Variants in MGAT4C observed in about 807,000 individuals in gnomAD.
MGAT4C encodes MGAT4 family member C.
MGAT4C carries 19 observed loss-of-function variants against 40.1 expected under a neutral mutation model. That is an observed-to-expected ratio of 0.47 (90% CI 0.33 to 0.70). MGAT4C has a LOEUF of 0.70. MGAT4C is among the 30% of genes least tolerant of loss of function. The pLI, the probability that MGAT4C is intolerant of heterozygous loss-of-function variation, is 0.02. For missense variants in MGAT4C, 491 were observed against 563.2 expected (o/e 0.87, Z 1.30); for synonymous variants, 181 against 187.1 (o/e 0.97, Z 0.27).
chr12:86,503,776 A>ATATATAT (rs368549139), intron 2 of MGAT4C, among the ~76,000 whole-genome samples: 2 of 20,622 alleles, frequency 9.7e-5, no homozygotes, highest in African/African-American at 1.6e-4. Context: ...ATATATATAT[A>ATATATAT]GAGTTCTGCT....
chr12:86,147,517 AG>A (rs1251730726), intron 1 of MGAT4C, among the ~76,000 whole-genome samples: 1 of 152,222 alleles, frequency 6.6e-6, no homozygotes, highest in Non-Finnish European at 1.5e-5. Flanking sequence ...CTGGGATTAC[AG>A]GCGTGAGCCA....
chr12:86,366,209 A>C (rs1955592283), intron 3 of MGAT4C, among the ~76,000 whole-genome samples: 1 of 152,182 alleles, frequency 6.6e-6, no homozygotes, highest in South Asian at 2.1e-4. Flanking sequence ...TTACTGGTGT[A>C]TAGAAATGTT....
chr12:86,580,617 C>T (rs1023174302), intron 2 of MGAT4C, among the ~76,000 whole-genome samples: 1 of 151,456 alleles, frequency 6.6e-6, no homozygotes, highest in African/African-American at 2.4e-5. Context: ...TTCATCCTTG[C>T]TCACTTATTT....
intron 4 of MGAT4C, among the ~76,000 whole-genome samples, chr12:86,313,395 A>T (rs192717351): frequency 3.0e-4 from 46 of 152,336 alleles, no homozygotes; most frequent in African/African-American, 1.1e-3. Flanking sequence ...CCTCTTTTCA[A>T]AATCATGAAA....
At position 86,771,724 on chromosome 12, in the gene MGAT4C, ATG is replaced by A. The variant is rs1319231417; in HGVS notation, c.-261-44485_-261-44484del. On this transcript the variant is annotated intron_variant, in intron 1 of 7. Coordinates refer to the MGAT4C transcript ENST00000548651. ...TGTGTGTGTGTGTGTGTGTGTGTGT[ATG>A]TGTGTGTGTATGAATATTGGTAGAA... Among the ~76,000 whole-genome samples, 10 of 103,792 alleles carry A rather than the reference ATG, an allele frequency of 9.6e-5. No homozygotes were observed. In the South Asian group the frequency reaches 2.2e-3, roughly 23 times the overall value. 68.1% of individuals were successfully genotyped at this position (103,792 alleles called of 152,430 possible). A position where few individuals can be genotyped will look rare whatever the true frequency, so the allele number is the denominator to read the frequency against.
chr12:86,513,516 T>G (rs1461777089), intron 2 of MGAT4C, among the ~76,000 whole-genome samples: 2 of 152,124 alleles, frequency 1.3e-5, no homozygotes, highest in Non-Finnish European at 2.9e-5. Flanking sequence ...AGTCCAAACA[T>G]AAAGCCATAC....
intron 2 of MGAT4C, among the ~76,000 whole-genome samples, chr12:85,994,539 G>C (rs1218295704): frequency 1.3e-5 from 2 of 151,768 alleles, no homozygotes; most frequent in East Asian, 3.9e-4. Context: ...AGCTAATAAA[G>C]CCATTCACAC....
chr12:86,704,370 G>A (rs1036977459), intron 2 of MGAT4C, among the ~76,000 whole-genome samples: 1 of 151,672 alleles, frequency 6.6e-6, no homozygotes, highest in African/African-American at 2.4e-5. Flanking sequence ...ATACAAAATG[G>A]GATGAGTAAA....
intron 4 of MGAT4C, among the ~76,000 whole-genome samples, chr12:85,982,114 T>C (rs1884662199): frequency 6.6e-6 from 1 of 152,220 alleles, no homozygotes; most frequent in Non-Finnish European, 1.5e-5. Context: ...ATTTTTGTGG[T>C]CTTCACATAA....
chr12:86,711,210 A>C (rs899551256), intron 2 of MGAT4C, among the ~76,000 whole-genome samples: 7 of 152,142 alleles, frequency 4.6e-5, no homozygotes, highest in Non-Finnish European at 8.8e-5. Flanking sequence ...GTTATAAAAT[A>C]ATACTAATAA....
chr12:86,176,058 A>C (rs1887393694), intron 1 of MGAT4C, among the ~76,000 whole-genome samples: 1 of 152,172 alleles, frequency 6.6e-6, no homozygotes, highest in Non-Finnish European at 1.5e-5. Context: ...GGCAAGGTGC[A>C]ATTCTAGCAA....
At chr12:86,380,393 C>T (rs1030543287) in intron 3 of MGAT4C, among the ~76,000 whole-genome samples, 2 of 152,140 alleles carry the variant, frequency 1.3e-5, no homozygotes, top group East Asian at 1.9e-4. Flanking sequence ...TTTGCCACTT[C>T]GTGGTGTTAA....
intron 2 of MGAT4C, chr12:86,013,785 T>G: frequency 1.1e-6 from 1 of 948,800 alleles, no homozygotes; most frequent in Non-Finnish European, 1.3e-6. Flanking sequence ...AAAAAGACTT[T>G]CTTAGTAAAC....
intron 1 of MGAT4C, among the ~76,000 whole-genome samples, chr12:86,234,607 C>T (rs1951454399): frequency 6.6e-6 from 1 of 152,114 alleles, no homozygotes; most frequent in Non-Finnish European, 1.5e-5. Flanking sequence ...AGTCAGAAAT[C>T]TTGACAACTC....
intron 2 of MGAT4C, among the ~76,000 whole-genome samples, chr12:86,008,770 G>A (rs1452239864): frequency 1.3e-5 from 2 of 152,220 alleles, no homozygotes; most frequent in African/African-American, 4.8e-5. Flanking sequence ...TCACACTGAG[G>A]ACATTTGCTT....
intron 2 of MGAT4C, among the ~76,000 whole-genome samples, chr12:86,521,183 A>G (rs1592947243): frequency 6.6e-6 from 1 of 151,988 alleles, no homozygotes; most frequent in Non-Finnish European, 1.5e-5. Flanking sequence ...GGTTGTCTTC[A>G]AGGGTTTTTA....
intron 3 of MGAT4C, among the ~76,000 whole-genome samples, chr12:86,428,104 T>A (rs111307162): frequency 6.6e-6 from 1 of 152,114 alleles, no homozygotes; most frequent in Admixed American, 6.5e-5. Context: ...TTGTCTCAAA[T>A]TAAAATATCA....
At chr12:86,381,859 A>G (rs1955935940) in intron 3 of MGAT4C, among the ~76,000 whole-genome samples, 1 of 152,018 alleles carries the variant, frequency 6.6e-6, no homozygotes, top group African/African-American at 2.4e-5. Context: ...GTCTCATGAG[A>G]TCTGATAGGT....
intron 2 of MGAT4C, among the ~76,000 whole-genome samples, chr12:86,035,611 T>A (rs755674029): frequency 1.3e-5 from 2 of 150,098 alleles, no homozygotes; most frequent in Non-Finnish European, 3.0e-5. Flanking sequence ...TTGGCTTTTG[T>A]GGCCATTTCT....
Sources: allele counts gnomAD v4.1 joint callset (sites outside exome capture counted in the v4.1 genomes callset), GRCh38; gene constraint gnomAD v4.1.1; transcripts MANE v1.5; gene names NCBI Gene and HGNC (gene_info 2026-07-23, HGNC 2026-07-21).